Variants in PREPL observed in about 807,000 individuals in gnomAD.
The protein encoded by PREPL is prolyl endopeptidase-like.
PREPL carries 77 observed loss-of-function variants against 70.6 expected under a neutral mutation model. That is an observed-to-expected ratio of 1.09 (90% CI 0.91 to 1.32). The LOEUF is 1.32. Ranked by LOEUF, PREPL falls within the 40% of genes most tolerant of loss-of-function variation. PREPL has a pLI of 0.00. For synonymous variants in PREPL, 315 were observed against 264.8 expected (o/e 1.19, Z -1.84); for missense variants, 1,002 against 778.2 (o/e 1.29, Z -3.42).
intron 10 of PREPL, 151 bp downstream of exon 10, chr2:44,326,561 C>G: frequency 2.8e-6 from 2 of 714,390 alleles, no homozygotes; most frequent in Non-Finnish European, 4.7e-6. Flanking sequence ...TGGTCTCGAG[C>G]TCCTGGTAAG....
chr2:44,329,474 G>A (rs1377351818), intron 8 of PREPL, among the ~76,000 whole-genome samples: 1 of 152,120 alleles, frequency 6.6e-6, no homozygotes, highest in Non-Finnish European at 1.5e-5. Flanking sequence ...TCCTAGTATA[G>A]CACTCTTCCT....
rs149257388 is a variant in PREPL, at chr2:44,346,486, T to C, written c.-48-96A>G. 3.1e-4 allele frequency: 330 copies of C among 1,051,264 alleles called. 2 individuals carry two copies. In the African/African-American group the frequency reaches 4.8e-3, roughly 15 times the overall value. The allele number at this position is 1,051,264 out of a possible 1,614,324, so 65.1% of individuals were successfully genotyped here. On this transcript the variant is annotated intron_variant, in intron 1 of 13. Transcript: ENST00000409411. ...GTAGGTCTATACCGTAGACTTAACG[T>C]TGTACAAAAAAGAAATAAGATTAAA...
Position 44,321,857 on chromosome 2 carries a change from G to A in PREPL, c.1797C>T (p.Gly599=), listed in dbSNP as rs1481266767. The A allele has an allele frequency of 1.2e-5, 19 of 1,613,546 alleles. No homozygotes were observed. The highest frequency in any genetic ancestry group is 1.5e-5 in the Non-Finnish European group (18 of 1,179,634). The change falls in exon 13 of 14, where the codon GGC becomes GGT. Residue 599 remains glycine, a synonymous_variant. Transcript: ENST00000409411. ...PNIILDIQPG[G]NHVIEDSHKK... The stretch of plus-strand genomic sequence containing the variant: ...TGTGAGAATCCTCAATTACATGATT[G>A]CCTCCAGGCTGAATATCTAGAATAA...
chr2:44,329,092 C>A lies in PREPL; in HGVS notation c.1107G>T (p.Met369Ile). 2 of 1,602,518 alleles carry A rather than the reference C, an allele frequency of 1.2e-6. No homozygotes were observed. Among genetic ancestry groups the A allele is most frequent in the Non-Finnish European group, 1.7e-6 (2 of 1,170,732 alleles). Residue 369 changes from methionine (M) to isoleucine (I), a missense_variant, in exon 9 of 14, where the codon ATG becomes ATT. By Grantham distance (10) the Met-to-Ile change is conservative. Coordinates refer to ENST00000409411, the MANE Select transcript of PREPL (RefSeq NM_001171613.2). ...CAGAGTCAGTTTTGTGGAAAACAGT[C>A]ATTGGCACTAATTTTCCATCCTAGA... ...AKSKDGKLVP[M>I]TVFHKTDSED...
Position 44,321,852 on chromosome 2 carries a change from T to C in PREPL, c.1802A>G (p.His601Arg), listed in dbSNP as rs773284394. The C allele has an allele frequency of 8.1e-6, 13 of 1,613,754 alleles. No individual in the cohort carries two copies. Among genetic ancestry groups the C allele is most frequent in the Admixed American group, 1.7e-5 (1 of 59,998 alleles). The change falls in exon 13 of 14, where the codon CAT (histidine) becomes CGT (arginine). Residue 601 changes from histidine to arginine, a missense_variant. Transcript: ENST00000409411. ...CTTTTTGTGAGAATCCTCAATTACA[T>C]GATTGCCTCCAGGCTGAATATCTAG... The part of the protein sequence containing the change: ...IILDIQPGGN[H>R]VIEDSHKKIT...
At chr2:44,323,689 A>T (rs964444050) in intron 10 of PREPL, among the ~76,000 whole-genome samples, 3 of 152,238 alleles carry the variant, frequency 2.0e-5, no homozygotes, top group Admixed American at 2.0e-4. Flanking sequence ...ATTCATTTAT[A>T]TTTTTTCTTA....
chr2:44,351,970 C>G (rs1337759933), intron 1 of PREPL, among the ~76,000 whole-genome samples: 1 of 152,230 alleles, frequency 6.6e-6, no homozygotes, highest in Non-Finnish European at 1.5e-5. Context: ...CTGACCTAAT[C>G]TACTGCTACA....
At chr2:44,346,417 A>C in intron 1 of PREPL, 27 bp from the exon 2 acceptor site, 1 of 1,605,542 alleles carries the variant, frequency 6.2e-7, no homozygotes, top group South Asian at 1.1e-5. Flanking sequence ...TATGATCAAA[A>C]TATTTCAAAC....
intron 5 of PREPL, among the ~76,000 whole-genome samples, chr2:44,342,149 T>C (rs941642602): frequency 6.6e-6 from 1 of 152,220 alleles, no homozygotes; most frequent in African/African-American, 2.4e-5. Flanking sequence ...AGGTCATCTT[T>C]ATGAATTTAC....
Position 44,321,004 on chromosome 2 carries a change from G to A in PREPL, c.*352C>T. The A allele has an allele frequency of 2.6e-6, 1 of 382,562 alleles. No individual in the cohort carries two copies. The highest frequency in any genetic ancestry group is 4.8e-6 in the Non-Finnish European group (1 of 208,102). 23.7% of individuals were successfully genotyped at this position (382,562 alleles called of 1,614,324 possible). The stretch of plus-strand genomic sequence containing the variant: ...TGACTCACTGCCACAGTGTCTAAAA[G>A]CATTTGCTAGCAAAGAGGCAGGACA... On this transcript the variant is annotated 3_prime_UTR_variant, in exon 14 of 14. Coordinates refer to ENST00000409411, the MANE Select transcript of PREPL (RefSeq NM_001171613.2).
Position 44,322,811 on chromosome 2 carries a change from C to T in PREPL, c.1673G>A (p.Arg558Gln), listed in dbSNP as rs140355063. ...ACTTACAATTCCTTTCAGAGGTACC[C>T]GTTCATCGTTTTCATATGCCGTTAT... ...IHITAYENDE[R>Q]VPLKGIVSYT... The change falls in exon 12 of 14, where the codon CGG (arginine) becomes CAG (glutamine). Residue 558 changes from arginine to glutamine, a missense_variant. By Grantham distance (43) the Arg-to-Gln change is conservative (BLOSUM62 1). Coordinates refer to ENST00000409411, the MANE Select transcript of PREPL (RefSeq NM_001171613.2). The T allele has an allele frequency of 6.6e-5, 107 of 1,613,586 alleles. No individual in the cohort carries two copies. The East Asian group carries it at 1.6e-3, about 24-fold the overall frequency.
chr2:44,352,363 A>C (rs927598831), intron 1 of PREPL, among the ~76,000 whole-genome samples: 1 of 152,078 alleles, frequency 6.6e-6, no homozygotes, highest in Admixed American at 6.5e-5. Context: ...TCCTGGGCTC[A>C]AGCAATTGAT....
intron 10 of PREPL, among the ~76,000 whole-genome samples, chr2:44,325,886 C>T (rs757071227): frequency 5.3e-5 from 8 of 152,260 alleles, no homozygotes; most frequent in Admixed American, 2.6e-4. Context: ...AATGTAACTT[C>T]GTAATTTCTG....
intron 1 of PREPL, among the ~76,000 whole-genome samples, chr2:44,348,479 A>G (rs1676060991): frequency 6.6e-6 from 1 of 152,196 alleles, no homozygotes; most frequent in Admixed American, 6.5e-5. Context: ...AGTCAGGATT[A>G]TCTCTCTACT....
intron 10 of PREPL, among the ~76,000 whole-genome samples, chr2:44,325,926 CA>C (rs1673445899): frequency 6.6e-6 from 1 of 152,142 alleles, no homozygotes; most frequent in Non-Finnish European, 1.5e-5. Context: ...ATTTTCAGAA[CA>C]GGGTAAGATA....
At chr2:44,359,888 C>G (rs954415295) in intron 1 of PREPL, 7 of 568,596 alleles carry the variant, frequency 1.2e-5, no homozygotes, top group Non-Finnish European at 2.2e-5. Context: ...CAGCTGATAA[C>G]TTAGGCTAAC....
chr2:44,343,956 A>G lies in PREPL; in HGVS notation c.143-5T>C, dbSNP rs1463771830. Reference sequence around the variant, plus strand: ...CTTCATAATTATCATTGTCTGCTGTATAAAGAAAAATACGAAAGTGATAAC... The same window carrying G: ...CTTCATAATTATCATTGTCTGCTGTGTAAAGAAAAATACGAAAGTGATAAC... On this transcript the variant is annotated splice_polypyrimidine_tract_variant and splice_region_variant and intron_variant, in intron 3 of 13. Transcript: ENST00000409411. The G allele has an allele frequency of 6.2e-7, 1 of 1,611,162 alleles. No individual in the cohort carries two copies.
At chr2:44,328,268 CA>C (rs1202363557) in intron 9 of PREPL, among the ~76,000 whole-genome samples, 47 of 102,870 alleles carry the variant, frequency 4.6e-4, no homozygotes, top group East Asian at 2.1e-3. Context: ...GATTCTATCT[CA>C]AAAAAAAAAA....
chr2:44,320,124 T>C lies in PREPL; in HGVS notation c.*1232A>G, dbSNP rs549024166. On this transcript the variant is annotated 3_prime_UTR_variant, in exon 14 of 14. Coordinates refer to ENST00000409411, the MANE Select transcript of PREPL (RefSeq NM_001171613.2). ...GCAAGTGTTTTGGGTAAATAACTCC[T>C]TACAATATATTAAAAATACTTACAA... 1.3e-5 allele frequency: 18 copies of C among 1,342,084 alleles called. No homozygotes were observed. Among genetic ancestry groups the C allele is most frequent in the Non-Finnish European group, 1.9e-5 (18 of 968,314 alleles). The allele number at this position is 1,342,084 out of a possible 1,614,324, so 83.1% of individuals were successfully genotyped here. A position where few individuals can be genotyped will look rare whatever the true frequency, so the allele number is the denominator to read the frequency against.
Sources: gnomAD v4.1 joint callset for allele counts (sites outside exome capture counted in the v4.1 genomes callset) on GRCh38, gnomAD v4.1.1 for gene constraint, MANE v1.5 for transcripts, NCBI Gene and HGNC (gene_info 2026-07-23, HGNC 2026-07-21) for gene names.